Variants in PIGN observed in about 807,000 individuals in gnomAD.
PIGN encodes the protein phosphatidylinositol glycan anchor biosynthesis class N, also known as GPI ethanolamine phosphate transferase 1.
PIGN carries 117 observed loss-of-function variants against 125.4 expected under a neutral mutation model. The observed-to-expected ratio is 0.93, with a 90% confidence interval of 0.80 to 1.09. The LOEUF (loss-of-function observed/expected upper bound fraction) is 1.09. PIGN is among the 50% of genes least tolerant of loss of function. The probability of loss-of-function intolerance (pLI) is 0.00; values close to 1 mark genes in which losing one functional copy is unlikely to be tolerated. For missense variants in PIGN, 1,075 were observed against 1,094.9 expected, an observed-to-expected ratio of 0.98 and a Z score of 0.26; for synonymous variants, 392 against 377.8, an observed-to-expected ratio of 1.04 and a Z score of -0.44.
Position 62,072,737 on chromosome 18 carries a change from A to C in PIGN, c.2620-12T>G. 6.3e-7 allele frequency: 1 copy of C among 1,577,364 alleles called. No individual in the cohort carries two copies. Among genetic ancestry groups the C allele is most frequent in the Non-Finnish European group, 8.6e-7 (1 of 1,164,322 alleles). On this transcript the variant is annotated splice_polypyrimidine_tract_variant and intron_variant, in intron 29 of 30. Transcript: ENST00000640252. ...AAGAAGAAAAAATGCTGTAAAAAAA[A>C]AAAAAGGCTTAATGAAAAACAAAGC...
chr18:62,130,148 G>C (rs1188527481), intron 14 of PIGN, among the ~76,000 whole-genome samples: 1 of 152,158 alleles, frequency 6.6e-6, no homozygotes, highest in Non-Finnish European at 1.5e-5. Flanking sequence ...CATGGTTCTG[G>C]TGACACCTTG....
At chr18:62,163,103 G>A (rs555376324) in intron 2 of PIGN, among the ~76,000 whole-genome samples, 1 of 152,184 alleles carries the variant, frequency 6.6e-6, no homozygotes, top group East Asian at 1.9e-4. Context: ...TCATATTACA[G>A]TACTTTAAAT....
At chr18:62,082,331 A>G (rs934713140) in intron 28 of PIGN, among the ~76,000 whole-genome samples, 1 of 152,158 alleles carries the variant, frequency 6.6e-6, no homozygotes, top group South Asian at 2.1e-4. Flanking sequence ...TAAAAGTTAG[A>G]GTATCTTTTG....
intron 30 of PIGN, among the ~76,000 whole-genome samples, chr18:62,048,811 C>A (rs1484883383): frequency 6.6e-6 from 1 of 150,432 alleles, no homozygotes; most frequent in Non-Finnish European, 1.5e-5. Flanking sequence ...ATTAACTCGT[C>A]ATTTAGCATT....
At chr18:62,109,141 G>C (rs1430389886) in intron 17 of PIGN, among the ~76,000 whole-genome samples, 1 of 152,102 alleles carries the variant, frequency 6.6e-6, no homozygotes, top group Non-Finnish European at 1.5e-5. Context: ...AAACCAATAA[G>C]ATCTGCAACA....
At chr18:62,153,804 G>A (rs975872539) in intron 7 of PIGN, 1 of 152,028 alleles carries the variant, frequency 6.6e-6, no homozygotes, top group Non-Finnish European at 1.5e-5. Context: ...AAACAAAAAT[G>A]GCTATATCAT....
intron 28 of PIGN, 34 bp from the exon 29 acceptor site, chr18:62,074,855 T>C (rs1162706233): frequency 2.1e-6 from 3 of 1,444,598 alleles, no homozygotes; most frequent in Admixed American, 1.7e-5. Flanking sequence ...TTACATCTAA[T>C]ACAACAGGTG....
At chr18:62,054,377 C>CAA (rs1244131782) in intron 30 of PIGN, among the ~76,000 whole-genome samples, 1 of 145,776 alleles carries the variant, frequency 6.9e-6, no homozygotes, top group Non-Finnish European at 1.5e-5. Context: ...AAAAAAAAAA[C>CAA]AAAAAACTTT....
chr18:62,030,485 T>C (rs1331423953), intron 23 of PIGN, among the ~76,000 whole-genome samples: 1 of 152,106 alleles, frequency 6.6e-6, no homozygotes, highest in African/African-American at 2.4e-5. Flanking sequence ...GACACATAAA[T>C]ACCAGAAATA....
rs576838728 is a variant in PIGN at position 62,104,495 on chromosome 18, C to G, written c.1859+1048G>C. On this transcript the variant is annotated intron_variant, in intron 20 of 30. Coordinates refer to ENST00000640252, the MANE Select transcript of PIGN (RefSeq NM_176787.5). ...GTCATATACTATTTATAGGTTATGA[C>G]AGTTGCAAAATGTTTTTACCTAGTA... 4.6e-5 allele frequency among the ~76,000 whole-genome samples: 7 copies of G among 152,250 alleles called. No individual in the cohort carries two copies. The South Asian group carries it at 6.2e-4, about 14-fold the overall frequency.
At chr18:62,174,734 G>A (rs1320802391) in intron 1 of PIGN, among the ~76,000 whole-genome samples, 1 of 151,846 alleles carries the variant, frequency 6.6e-6, no homozygotes, top group African/African-American at 2.4e-5. Flanking sequence ...TTAAATTAAT[G>A]CTAATGCATT....
At chr18:62,060,753 T>A (rs2032072590) in intron 30 of PIGN, among the ~76,000 whole-genome samples, 1 of 152,232 alleles carries the variant, frequency 6.6e-6, no homozygotes, top group Non-Finnish European at 1.5e-5. Flanking sequence ...TGATCCTGAC[T>A]CTATTCACCT....
chr18:62,176,275 T>C (rs2037522787), intron 1 of PIGN, among the ~76,000 whole-genome samples: 2 of 152,010 alleles, frequency 1.3e-5, no homozygotes. Context: ...TACAGAATAA[T>C]TTCAATTAAT....
chr18:62,071,853 A>C (rs2032868236), intron 30 of PIGN, among the ~76,000 whole-genome samples: 1 of 116,904 alleles, frequency 8.6e-6, no homozygotes, highest in Non-Finnish European at 1.7e-5. Flanking sequence ...TTTAGACTGT[A>C]CTCCTTTTCC....
intron 20 of PIGN, chr18:62,104,991 G>A (rs1342571827): frequency 1.3e-5 from 2 of 152,212 alleles, no homozygotes; most frequent in Non-Finnish European, 2.9e-5. Context: ...TAGCAGCACA[G>A]TAAGGAATTT....
chr18:62,133,068 A>G (rs184775763), intron 14 of PIGN, among the ~76,000 whole-genome samples: 1 of 152,360 alleles, frequency 6.6e-6, no homozygotes, highest in Non-Finnish European at 1.5e-5. Context: ...CTTTCAATGC[A>G]GTATTCAATA....
intron 30 of PIGN, among the ~76,000 whole-genome samples, chr18:62,067,153 T>C (rs1437764743): frequency 6.6e-6 from 1 of 152,240 alleles, no homozygotes; most frequent in Non-Finnish European, 1.5e-5. Context: ...TAACTACTTT[T>C]CTTTTTAGAT....
chr18:62,034,070 G>A (rs1384819816), intron 23 of PIGN, among the ~76,000 whole-genome samples: 3 of 152,130 alleles, frequency 2.0e-5, no homozygotes, highest in Admixed American at 6.5e-5. Context: ...TCAGTTTCTT[G>A]AGGGCAAGAA....
intron 23 of PIGN, among the ~76,000 whole-genome samples, chr18:62,029,216 AC>A (rs1315251228): frequency 6.6e-6 from 1 of 152,162 alleles, no homozygotes; most frequent in African/African-American, 2.4e-5. Context: ...ACTTTAAACC[AC>A]TTTTCGTTTT....
Sources: allele counts gnomAD v4.1 joint callset (sites outside exome capture counted in the v4.1 genomes callset), GRCh38; gene constraint gnomAD v4.1.1; transcripts MANE v1.5; gene names NCBI Gene and HGNC (gene_info 2026-07-23, HGNC 2026-07-21).